The following CACNB2 variants were observed in gnomAD, a reference collection of about 807,000 sequenced individuals.
CACNB2 encodes voltage-dependent L-type calcium channel subunit beta-2.
A neutral mutation model predicts 73.3 loss-of-function variants in CACNB2; 42 were observed. The observed-to-expected ratio is 0.57, with a 90% CI of 0.45 to 0.74. CACNB2 has a LOEUF of 0.74. Among genes scored for constraint, CACNB2 ranks in the 30% least tolerant of loss-of-function variants. The pLI, the probability that CACNB2 is intolerant of heterozygous loss-of-function variation, is 0.00. For synonymous variants in CACNB2, 348 were observed against 310.3 expected (o/e 1.12, Z -1.28); for missense variants, 940 against 853.0 (o/e 1.10, Z -1.27).
At chr10:18,241,869 C>T (rs775309685) in intron 2 of CACNB2, among the ~76,000 whole-genome samples, 1 of 151,916 alleles carries the variant, frequency 6.6e-6, no homozygotes, top group East Asian at 1.9e-4. Flanking sequence ...TGAGCTTCTA[C>T]GTCATGTAAT....
At chr10:18,528,248 T>C (rs11014660) in intron 10 of CACNB2, among the ~76,000 whole-genome samples, 7,350 of 152,322 alleles carry the variant, frequency 0.048, 270 homozygotes, top group Non-Finnish European at 0.077. Flanking sequence ...TATTGATAGA[T>C]ATCAATATGT....
intron 3 of CACNB2, among the ~76,000 whole-genome samples, chr10:18,416,870 T>C (rs2044999527): frequency 6.6e-6 from 1 of 151,978 alleles, no homozygotes; most frequent in Non-Finnish European, 1.5e-5. Context: ...AGCAAACTGA[T>C]GGTGGATACT....
chr10:18,362,121 C>T (rs2132225681), intron 2 of CACNB2, among the ~76,000 whole-genome samples: 1 of 152,308 alleles, frequency 6.6e-6, no homozygotes, highest in Admixed American at 6.5e-5. Flanking sequence ...ATTTGTTTAA[C>T]AATTAACACT....
intron 2 of CACNB2, among the ~76,000 whole-genome samples, chr10:18,355,329 C>G (rs1351669067): frequency 6.6e-6 from 1 of 152,070 alleles, no homozygotes; most frequent in African/African-American, 2.4e-5. Flanking sequence ...TTATTCTTTT[C>G]CAGGTATAAA....
intron 2 of CACNB2, among the ~76,000 whole-genome samples, chr10:18,354,260 T>A (rs1472211486): frequency 1.3e-5 from 2 of 152,192 alleles, no homozygotes; most frequent in Non-Finnish European, 2.9e-5. Flanking sequence ...TGTTAAGTGT[T>A]AGCTCCTTTT....
intron 12 of CACNB2, among the ~76,000 whole-genome samples, chr10:18,536,586 A>G (rs1260837630): frequency 6.6e-6 from 1 of 152,120 alleles, no homozygotes; most frequent in Non-Finnish European, 1.5e-5. Flanking sequence ...ATTTTGAAAA[A>G]AACAGTCAAA....
chr10:18,243,822 A>G (rs1188165755), intron 2 of CACNB2, among the ~76,000 whole-genome samples: 1 of 152,152 alleles, frequency 6.6e-6, no homozygotes, highest in African/African-American at 2.4e-5. Flanking sequence ...TGGACTTTCC[A>G]ACCACCAGAA....
intron 2 of CACNB2, among the ~76,000 whole-genome samples, chr10:18,341,292 T>C (rs2041225207): frequency 6.6e-6 from 1 of 152,194 alleles, no homozygotes; most frequent in Admixed American, 6.5e-5. Flanking sequence ...CCAGCACTTG[T>C]CTTGAGTATC....
intron 2 of CACNB2, among the ~76,000 whole-genome samples, chr10:18,377,158 G>A (rs937297359): frequency 5.3e-5 from 8 of 152,046 alleles, no homozygotes; most frequent in Non-Finnish European, 1.2e-4. Context: ...AAAACCACCC[G>A]TTCTAAGATA....
chr10:18,512,421 T>G (rs1214925074), intron 6 of CACNB2, among the ~76,000 whole-genome samples: 1 of 152,164 alleles, frequency 6.6e-6, no homozygotes, highest in Admixed American at 6.6e-5. Flanking sequence ...GCCTTGTGTA[T>G]GACTCCTTTG....
chr10:18,143,604 C>T (rs2030659973), intron 1 of CACNB2, among the ~76,000 whole-genome samples: 1 of 152,164 alleles, frequency 6.6e-6, no homozygotes, highest in African/African-American at 2.4e-5. Flanking sequence ...GGAAACATTA[C>T]CTTGTTTATT....
intron 2 of CACNB2, among the ~76,000 whole-genome samples, chr10:18,386,853 C>T (rs147672005): frequency 1.3e-5 from 2 of 152,200 alleles, no homozygotes; most frequent in East Asian, 3.9e-4. Context: ...CCTCAGTGCC[C>T]AGCACATGGT....
intron 2 of CACNB2, among the ~76,000 whole-genome samples, chr10:18,191,601 C>T (rs1249665772): frequency 6.6e-6 from 1 of 152,216 alleles, no homozygotes; most frequent in African/African-American, 2.4e-5. Flanking sequence ...TCCCACCCTT[C>T]TCCACAAGTC....
intron 2 of CACNB2, among the ~76,000 whole-genome samples, chr10:18,356,023 T>G (rs2041895546): frequency 6.6e-6 from 1 of 152,150 alleles, no homozygotes; most frequent in South Asian, 2.1e-4. Flanking sequence ...CTGGAAGGTT[T>G]CTGTAAGGAT....
chr10:18,317,599 G>T (rs2040241124), intron 2 of CACNB2, among the ~76,000 whole-genome samples: 1 of 152,274 alleles, frequency 6.6e-6, no homozygotes, highest in East Asian at 1.9e-4. Flanking sequence ...TATCCTGTGG[G>T]TGTATATGTA....
intron 3 of CACNB2, among the ~76,000 whole-genome samples, chr10:18,450,661 C>T (rs1178943826): frequency 2.9e-5 from 4 of 137,976 alleles, no homozygotes; most frequent in African/African-American, 1.1e-4. Flanking sequence ...CTAACTCTGT[C>T]ACTCAGGCTG....
chr10:18,513,587 G>T, intron 6 of CACNB2: 1 of 352,954 alleles, frequency 2.8e-6, no homozygotes, highest in Non-Finnish European at 5.5e-6. Flanking sequence ...TGTCTCCACT[G>T]CTTTACGACC....
Position 18,388,014 on chromosome 10 carries a change from C to T in CACNB2, c.214-13910C>T, listed in dbSNP as rs149241278. ...TCAAGCAATCCTCCTGCCTCGGCCT[C>T]CCAATATGCTGGGATTATAGGAGTG... On this transcript the variant is annotated intron_variant, in intron 2 of 13. Transcript: ENST00000324631. 1.3e-4 allele frequency among the ~76,000 whole-genome samples: 20 copies of T among 152,266 alleles called. No homozygotes were observed. In the East Asian group the frequency reaches 3.9e-3, roughly 29 times the overall value.
At chr10:18,464,574 C>G (rs944958309) in intron 3 of CACNB2, among the ~76,000 whole-genome samples, 1 of 152,122 alleles carries the variant, frequency 6.6e-6, no homozygotes, top group Non-Finnish European at 1.5e-5. Flanking sequence ...TACCACCCAA[C>G]ATGTTCTTCT....
Sources: gnomAD v4.1 joint callset for allele counts (sites outside exome capture counted in the v4.1 genomes callset) on GRCh38, gnomAD v4.1.1 for gene constraint, MANE v1.5 for transcripts, NCBI Gene and HGNC (gene_info 2026-07-23, HGNC 2026-07-21) for gene names.